Variants in CELF2 observed in about 807,000 individuals in gnomAD.
The protein encoded by CELF2 is CUGBP Elav-like family member 2, also known as CUG triplet repeat RNA-binding protein 2.
Under a neutral mutation model 62.6 loss-of-function variants are expected in CELF2, and 8 were observed. The observed-to-expected ratio is 0.13, with a 90% confidence interval of 0.07 to 0.23. The LOEUF is 0.23. Ranked by LOEUF, CELF2 falls within the 10% of genes least tolerant of loss-of-function variation. The probability of loss-of-function intolerance (pLI) is 1.00; values close to 1 mark genes in which losing one functional copy is unlikely to be tolerated. For missense variants in CELF2, 333 were observed against 671.0 expected, an observed-to-expected ratio of 0.50 and a Z score of 5.56; for synonymous variants, 258 against 250.0, an observed-to-expected ratio of 1.03 and a Z score of -0.30.
chr10:10,815,132 G>A (rs2056329429), intron 1 of CELF2, among the ~76,000 whole-genome samples: 1 of 152,198 alleles, frequency 6.6e-6, no homozygotes, highest in African/African-American at 2.4e-5. Flanking sequence ...TTAATTGCAT[G>A]TATGACTTCT....
chr10:10,646,901 A>C, the CELF2 span, among the ~76,000 whole-genome samples: 1 of 152,120 alleles, frequency 6.6e-6, no homozygotes, highest in Non-Finnish European at 1.5e-5. Context: ...CACGCTAATG[A>C]TCTCTCCCTG....
chr10:10,524,195 G>A, the CELF2 span, among the ~76,000 whole-genome samples: 1 of 151,998 alleles, frequency 6.6e-6, no homozygotes, highest in Non-Finnish European at 1.5e-5. Context: ...GAATAAGAAA[G>A]AAAACTAGGG....
At chr10:10,836,576 A>AT (rs1283823522) in intron 1 of CELF2, among the ~76,000 whole-genome samples, 3 of 152,196 alleles carry the variant, frequency 2.0e-5, no homozygotes, top group African/African-American at 7.2e-5. Flanking sequence ...TAATTCTGTG[A>AT]TTTTCTTACT....
intron 2 of CELF2, among the ~76,000 whole-genome samples, chr10:10,965,169 C>A (rs899171451): frequency 1.1e-4 from 16 of 152,130 alleles, no homozygotes; most frequent in African/African-American, 3.4e-4. Context: ...TGAATCACAT[C>A]TTGAATTGAT....
At chr10:10,696,596 C>T in the CELF2 span, among the ~76,000 whole-genome samples, 1 of 151,980 alleles carries the variant, frequency 6.6e-6, no homozygotes, top group Non-Finnish European at 1.5e-5. Context: ...GCGCCCCTCC[C>T]CCAGCCTCGC....
chr10:10,784,634 A>C, the CELF2 span: 8 of 152,558 alleles, frequency 5.2e-5, no homozygotes, highest in African/African-American at 1.9e-4. Flanking sequence ...TTGCCACTCC[A>C]TTCTTCTGTT....
chr10:10,766,193 A>G, the CELF2 span, among the ~76,000 whole-genome samples: 4 of 152,180 alleles, frequency 2.6e-5, no homozygotes, highest in Non-Finnish European at 5.9e-5. Flanking sequence ...AGAGGAGCCA[A>G]TCCTAATTCT....
chr10:10,699,114 G>A, the CELF2 span, among the ~76,000 whole-genome samples: 1 of 152,004 alleles, frequency 6.6e-6, no homozygotes, highest in African/African-American at 2.4e-5. Flanking sequence ...GCTTCTCACA[G>A]AATTTTTTTG....
intron 1 of CELF2, among the ~76,000 whole-genome samples, chr10:11,091,707 A>G (rs2048363797): frequency 6.6e-6 from 1 of 152,236 alleles, no homozygotes; most frequent in Non-Finnish European, 1.5e-5. Flanking sequence ...TGTGAAATGA[A>G]ACTAGTAGAA....
At chr10:11,141,075 A>AT (rs965271118) in intron 1 of CELF2, among the ~76,000 whole-genome samples, 5 of 152,280 alleles carry the variant, frequency 3.3e-5, no homozygotes, top group Admixed American at 6.5e-5. Flanking sequence ...ATTGAGTACA[A>AT]TTTTTTGAAC....
chr10:10,885,896 T>G (rs2061719152), intron 1 of CELF2, among the ~76,000 whole-genome samples: 1 of 152,204 alleles, frequency 6.6e-6, no homozygotes, highest in Non-Finnish European at 1.5e-5. Context: ...CTCCTGCACT[T>G]TAAGATCCTT....
chr10:10,590,162 C>T, the CELF2 span, among the ~76,000 whole-genome samples: 19,708 of 147,582 alleles, frequency 0.13, 1,526 homozygotes, highest in Non-Finnish European at 0.19. Context: ...CATGTGCATG[C>T]ACACACACAC....
chr10:10,637,017 G>C, the CELF2 span, among the ~76,000 whole-genome samples: 2 of 152,242 alleles, frequency 1.3e-5, no homozygotes, highest in African/African-American at 4.8e-5. Context: ...TAGATATTTA[G>C]ATTTCATGGT....
chr10:11,110,797 A>G lies in CELF2; in HGVS notation c.75-54689A>G, dbSNP rs2054949786. Among the ~76,000 whole-genome samples the G allele has an allele frequency of 6.6e-6, 1 of 152,164 alleles. No homozygotes were observed. Among genetic ancestry groups the G allele is most frequent in the Non-Finnish European group, 1.5e-5 (1 of 68,016 alleles). ...ATCCGGGGGCAGTTTCTGCTTGTCA[A>G]GGAACTGCAACCCTGACCTTAACCA... is the stretch of plus-strand genomic sequence containing the variant. On this transcript the variant is annotated intron_variant, in intron 1 of 12. Transcript: ENST00000633077. This position sits in a 1 kb window ranked among gnomAD's most constrained non-coding sequence, Gnocchi z 4.0.
At chr10:10,513,675 G>T in the CELF2 span, among the ~76,000 whole-genome samples, 2 of 152,130 alleles carry the variant, frequency 1.3e-5, no homozygotes, top group Non-Finnish European at 2.9e-5. Context: ...TCCAAAAGGT[G>T]TATCTTAAAT....
At chr10:10,763,572 A>C in the CELF2 span, among the ~76,000 whole-genome samples, 2 of 152,214 alleles carry the variant, frequency 1.3e-5, no homozygotes, top group African/African-American at 4.8e-5. Flanking sequence ...GAAAGGAAGA[A>C]AATGGAAGGT....
chr10:10,896,890 T>G (rs1253391581), intron 1 of CELF2, among the ~76,000 whole-genome samples: 1 of 152,194 alleles, frequency 6.6e-6, no homozygotes, highest in Non-Finnish European at 1.5e-5. Context: ...AATTGTAAGT[T>G]GAACCACTGT....
chr10:10,510,965 G>A, the CELF2 span, among the ~76,000 whole-genome samples: 1 of 152,220 alleles, frequency 6.6e-6, no homozygotes, highest in Non-Finnish European at 1.5e-5. Flanking sequence ...AAAGGATAAA[G>A]GAGTAAGGTG....
At chr10:10,620,950 G>A in the CELF2 span, among the ~76,000 whole-genome samples, 9 of 137,954 alleles carry the variant, frequency 6.5e-5, no homozygotes, top group South Asian at 2.4e-4. Flanking sequence ...AAGGCGGAGC[G>A]CGGTGGCTCA....
Sources: allele counts gnomAD v4.1 joint callset (sites outside exome capture counted in the v4.1 genomes callset), GRCh38; gene constraint gnomAD v4.1.1; non-coding constraint Gnocchi (gnomAD v3.1); transcripts MANE v1.5; gene names NCBI Gene and HGNC (gene_info 2026-07-23, HGNC 2026-07-21).